Variants in GSTA5 observed in about 807,000 individuals in gnomAD.
GSTA5 encodes glutathione S-transferase alpha 5, also known as glutathione S-transferase A5.
GSTA5 carries 25 observed loss-of-function variants against 21.8 expected under a neutral mutation model. The ratio of observed to expected loss-of-function variants is 1.14; its 90% CI spans 0.83 to 1.60. The LOEUF (loss-of-function observed/expected upper bound fraction) is 1.60, where lower values mean the gene tolerates loss of function less well. Among genes scored for constraint, GSTA5 ranks in the 40% most tolerant of loss-of-function variants. The pLI, the probability that GSTA5 is intolerant of heterozygous loss-of-function variation, is 0.00. For missense variants in GSTA5, 330 were observed against 259.2 expected, an observed-to-expected ratio of 1.27 and a Z score of -1.88; for synonymous variants, 102 against 89.5, an observed-to-expected ratio of 1.14 and a Z score of -0.78.
chr6:52,837,635 T>A, intron 1 of GSTA5, 26 bp from the exon 2 acceptor site: 1 of 1,539,768 alleles, frequency 6.5e-7, no homozygotes, highest in South Asian at 1.1e-5. Flanking sequence ...GTAAATGGGT[T>A]CTTCTTAGTT....
chr6:52,837,497 A>G (rs1298185488), intron 2 of GSTA5, 61 bp downstream of exon 2: 6 of 1,102,862 alleles, frequency 5.4e-6, no homozygotes, highest in Non-Finnish European at 5.5e-6. Context: ...CTGGCTGCTC[A>G]ACGTTCCTCT....
At chr6:52,841,217 A>G (rs1764373945), upstream of GSTA5, among the ~76,000 whole-genome samples, 2 of 152,224 alleles carry the variant, frequency 1.3e-5, no homozygotes, top group Admixed American at 1.3e-4. Flanking sequence ...TTATAGTCTC[A>G]TTAAATGGTT....
In GSTA5 at chr6:52,833,102, T is replaced by A. The variant is rs977240198; in HGVS notation, c.415-112A>T. ...TTCCCACCTCTGTTGCCTTATTGCA[T>A]GGGTGCAGAAATCCCAAGCTTTCTC... On this transcript the variant is annotated intron_variant, in intron 4 of 5. Coordinates refer to ENST00000370989, the Ensembl canonical transcript of GSTA5. 85 of 1,206,008 alleles carry A rather than the reference T, an allele frequency of 7.0e-5. No homozygotes were observed. The African/African-American group carries it at 1.1e-3, about 15-fold the overall frequency. 74.7% of individuals were successfully genotyped at this position (1,206,008 alleles called of 1,614,324 possible).
In GSTA5 at chr6:52,836,235, C is replaced by T. The variant is rs772023054; in HGVS notation, c.272+1G>A. ...ATGGAAGAACAGAAAATATACCATA[C>T]AGGGCTCTCTCCTTCATGTCTTTCC... On this transcript the variant is annotated splice_donor_variant, in intron 3 of 5. Coordinates refer to ENST00000370989, the Ensembl canonical transcript of GSTA5. LOFTEE classifies it high-confidence loss of function. 2 of 1,612,798 alleles carry T rather than the reference C, an allele frequency of 1.2e-6. No homozygotes were observed. The highest frequency in any genetic ancestry group is 1.7e-6 in the Non-Finnish European group (2 of 1,179,576).
At chr6:52,839,421 A>T (rs1456819755) in intron 1 of GSTA5, among the ~76,000 whole-genome samples, 1 of 152,202 alleles carries the variant, frequency 6.6e-6, no homozygotes, top group Non-Finnish European at 1.5e-5. Context: ...ATTCATTTGT[A>T]CAAAGGAAAC....
At chr6:52,835,819 G>A (rs1764284220) in intron 3 of GSTA5, among the ~76,000 whole-genome samples, 1 of 152,098 alleles carries the variant, frequency 6.6e-6, no homozygotes. Context: ...GGAATTACTG[G>A]GACCTGAGAT....
chr6:52,843,599 C>T (rs1415281946), upstream of GSTA5, among the ~76,000 whole-genome samples: 5 of 152,118 alleles, frequency 3.3e-5, no homozygotes, highest in Admixed American at 2.0e-4. Context: ...AATAGTTTAG[C>T]CTTTGGAAAG....
chr6:52,835,791 T>C lies in GSTA5; in HGVS notation c.272+445A>G, dbSNP rs147750191. Among the ~76,000 whole-genome samples, 1,272 of 152,268 alleles carry C rather than the reference T, an allele frequency of 8.4e-3. 14 individuals are homozygous for C. The highest frequency in any genetic ancestry group is 0.027 in the Middle Eastern group (8 of 294). Reference sequence around the variant, plus strand: ...CCATATAATTGGTTGGTAATTTAGGTTCCTGGTCATGATTCTTGGAATTAC... The same window carrying C: ...CCATATAATTGGTTGGTAATTTAGGCTCCTGGTCATGATTCTTGGAATTAC... On this transcript the variant is annotated intron_variant, in intron 3 of 5. Coordinates refer to ENST00000370989, the Ensembl canonical transcript of GSTA5.
upstream of GSTA5, among the ~76,000 whole-genome samples, chr6:52,842,336 C>A (rs558485519): frequency 2.5e-4 from 38 of 151,620 alleles, no homozygotes; most frequent in African/African-American, 9.2e-4. Context: ...CATTAAGATT[C>A]TTCTTGCAAA....
chr6:52,840,728 T>C, exon 1 of GSTA5: 1 of 1,613,796 alleles, frequency 6.2e-7, no homozygotes, highest in Non-Finnish European at 8.5e-7. Context: ...AGAACCTACC[T>C]CTACTCCAGC....
In GSTA5 at chr6:52,831,988, C is replaced by A. The variant is rs529810777; in HGVS notation, c.547-18G>T. 230 of 1,608,696 alleles carry A rather than the reference C, an allele frequency of 1.4e-4. 1 individual carries two copies. The highest frequency in any genetic ancestry group is 1.8e-4 in the Non-Finnish European group (211 of 1,178,536). On this transcript the variant is annotated intron_variant, in intron 5 of 5. Coordinates refer to ENST00000370989, the Ensembl canonical transcript of GSTA5. ...TTCAGGGCCTGTAATCCACAAAGCA[C>A]AGCCTCAGAGTGAAGCCAAGGCCGG...
Position 52,831,961 on chromosome 6 carries a change from T to C in GSTA5, c.556A>G (p.Thr186Ala), listed in dbSNP as rs1195056877. ...ACCGTGGGCAGGTTGCTGATTCTGG[T>C]TTTCAGGGCCTGTAATCCACAAAGC... is the stretch of plus-strand genomic sequence containing the variant. The change falls in exon 6 of 6, where the codon ACC becomes GCC. Residue 186 changes from threonine (T) to alanine (A), a missense_variant. Physicochemically the swap from Thr to Ala is moderately conservative, Grantham distance 58 (BLOSUM62 0). Transcript: ENST00000370989. The C allele has an allele frequency of 6.8e-6, 11 of 1,612,880 alleles. No individual in the cohort carries two copies. The highest frequency in any genetic ancestry group is 3.3e-4 in the Middle Eastern group (2 of 6,054).
At chr6:52,839,886 C>T (rs1429854325) in intron 1 of GSTA5, among the ~76,000 whole-genome samples, 3 of 152,254 alleles carry the variant, frequency 2.0e-5, no homozygotes, top group African/African-American at 7.2e-5. Context: ...ATTTTAACCA[C>T]GTGTTTACTT....
chr6:52,831,891 T>C (rs1256350591), exon 6 of GSTA5: 2 of 1,613,980 alleles, frequency 1.2e-6, no homozygotes, highest in South Asian at 1.1e-5. Context: ...AGATTTCTCA[T>C]CCATGGGAGG....
upstream of GSTA5, among the ~76,000 whole-genome samples, chr6:52,845,151 G>T (rs1764436487): frequency 6.6e-6 from 1 of 151,994 alleles, no homozygotes; most frequent in African/African-American, 2.4e-5. Flanking sequence ...TTTAGCTTCT[G>T]TACAGAGGTT....
chr6:52,833,042 C>A (rs763404042), intron 4 of GSTA5, 52 bp from the exon 5 acceptor site: 66 of 1,605,786 alleles, frequency 4.1e-5, no homozygotes, highest in Non-Finnish European at 5.4e-5. Flanking sequence ...CAGGCTGGGA[C>A]CCCTGCTTCT....
At chr6:52,842,406 C>CTTT (rs3063633), upstream of GSTA5, among the ~76,000 whole-genome samples, 34,305 of 128,718 alleles carry the variant, frequency 0.27, 6,126 homozygotes, top group Non-Finnish European at 0.38. Context: ...TAATGTATTT[C>CTTT]TTTTTTTTTT....
chr6:52,834,164 G>A lies in GSTA5; in HGVS notation c.391C>T (p.Arg131Cys), dbSNP rs771331384. The A allele has an allele frequency of 5.6e-6, 9 of 1,614,086 alleles. No individual in the cohort carries two copies. The highest frequency in any genetic ancestry group is 4.5e-5 in the East Asian group (2 of 44,876). ...ACTTTTTCAAAGGCAGGGAAGTAGC[G>A]ATTTTTTATTTTCTCTTTGACCAAG... is the stretch of plus-strand genomic sequence containing the variant. The change falls in exon 4 of 6, where the codon CGC (arginine) becomes TGC (cysteine). Residue 131 changes from arginine (R) to cysteine (C), a missense_variant. Physicochemically the swap from Arg to Cys is radical, Grantham distance 180. Coordinates refer to ENST00000370989, the Ensembl canonical transcript of GSTA5.
intron 1 of GSTA5, 40 bp from the exon 2 acceptor site, chr6:52,837,649 T>G (rs1764312229): frequency 7.0e-7 from 1 of 1,425,088 alleles, no homozygotes; most frequent in South Asian, 1.2e-5. Flanking sequence ...CTTAGTTAAT[T>G]CTATTATAGA....
Sources: gnomAD v4.1 joint callset for allele counts (sites outside exome capture counted in the v4.1 genomes callset) on GRCh38, gnomAD v4.1.1 for gene constraint, MANE v1.5 for transcripts, NCBI Gene and HGNC (gene_info 2026-07-23, HGNC 2026-07-21) for gene names.